TM2D1: variants seen among roughly 807,000 people sequenced by gnomAD.
TM2D1 encodes TM2 domain-containing protein 1.
Under a neutral mutation model 28.4 loss-of-function variants are expected in TM2D1, and 15 were observed. The ratio of observed to expected loss-of-function variants is 0.53; its 90% CI spans 0.35 to 0.81. The LOEUF is 0.81. Ranked by LOEUF, TM2D1 falls within the 40% of genes least tolerant of loss-of-function variation. The pLI, the probability that TM2D1 is intolerant of heterozygous loss-of-function variation, is 0.01. For missense variants in TM2D1, 236 were observed against 254.9 expected (o/e 0.93, Z 0.50); for synonymous variants, 93 against 96.2 (o/e 0.97, Z 0.20).
rs1259458951 is a variant in TM2D1, at chr1:61,724,985, G to A, written c.136C>T (p.Leu46Phe). Reference sequence around the variant, plus strand: ...CCCACTTTGAGGTCCTCGCACTTAAGCGACTCCTCGCCCCCGGCGGAGGTG... The same window carrying A: ...CCCACTTTGAGGTCCTCGCACTTAAACGACTCCTCGCCCCCGGCGGAGGTG... ...VATSAGGEES[L>F]KCEDLKVGQY... is the part of the protein sequence containing the mutation. The change falls in exon 1 of 7, where the codon CTT (leucine) becomes TTT (phenylalanine). Residue 46 changes from leucine to phenylalanine, a missense_variant. Coordinates refer to ENST00000606498, the MANE Select transcript of TM2D1 (RefSeq NM_032027.3). The A allele has an allele frequency of 1.2e-6, 2 of 1,606,148 alleles. No homozygotes were observed. The highest frequency in any genetic ancestry group is 2.2e-5 in the South Asian group (2 of 90,886).
At chr1:61,720,479 T>C (rs777261543) in intron 2 of TM2D1, among the ~76,000 whole-genome samples, 1 of 152,134 alleles carries the variant, frequency 6.6e-6, no homozygotes, top group South Asian at 2.1e-4. Context: ...TGACCTCACA[T>C]GATCCGCACA....
At chr1:61,719,746 C>T (rs1335528927) in intron 2 of TM2D1, among the ~76,000 whole-genome samples, 4 of 151,912 alleles carry the variant, frequency 2.6e-5, no homozygotes, top group African/African-American at 7.3e-5. Flanking sequence ...CCACCTGCCT[C>T]GGCCTCCCCA....
At chr1:61,687,689 T>C (rs11804066) in intron 5 of TM2D1, among the ~76,000 whole-genome samples, 2,180 of 147,568 alleles carry the variant, frequency 0.015, 48 homozygotes, top group African/African-American at 0.049. Context: ...TCAAATGTAA[T>C]GAATGAAGAA....
chr1:61,684,415 T>C (rs1644269007), intron 5 of TM2D1, among the ~76,000 whole-genome samples: 3 of 152,162 alleles, frequency 2.0e-5, no homozygotes, highest in South Asian at 2.1e-4. Context: ...TTTCTCCCAC[T>C]TGTTAACAGT....
intron 5 of TM2D1, among the ~76,000 whole-genome samples, chr1:61,689,404 C>T (rs1644307895): frequency 6.6e-6 from 1 of 152,082 alleles, no homozygotes; most frequent in African/African-American, 2.4e-5. Flanking sequence ...CACTCTGTTG[C>T]TCATGCTAGA....
rs1302479119 is a variant in TM2D1 at position 61,725,099 on chromosome 1, C to A, written c.22G>T (p.Gly8Cys). ...GTCACGGCCTCCGGAGCAGACGGAC[C>A]AGACGGCCAGGCGGCCGCCATCTTG... MAAAWPS[G>C]PSAPEAVTAR... Residue 8 changes from glycine (G) to cysteine (C), a missense_variant, in exon 1 of 7, where the codon GGT becomes TGT. Physicochemically the swap from Gly to Cys is radical, Grantham distance 159. Around this residue, in one of 3 missense-constraint regions of TM2D1, gnomAD observed 167 missense variants for 162.7 expected, o/e 1.03. Coordinates refer to ENST00000606498, the MANE Select transcript of TM2D1 (RefSeq NM_032027.3). 2 of 1,613,702 alleles carry A rather than the reference C, an allele frequency of 1.2e-6. No homozygotes were observed. The highest frequency in any genetic ancestry group is 1.7e-5 in the Admixed American group (1 of 60,022).
intron 2 of TM2D1, among the ~76,000 whole-genome samples, chr1:61,713,480 C>T (rs1264303471): frequency 1.1e-5 from 1 of 88,726 alleles, no homozygotes; most frequent in African/African-American, 4.3e-5. Flanking sequence ...CCCCCCGCAA[C>T]TCAAAAACAA....
At chr1:61,701,809 G>A (rs1377612257) in intron 3 of TM2D1, among the ~76,000 whole-genome samples, 1 of 152,046 alleles carries the variant, frequency 6.6e-6, no homozygotes, top group Non-Finnish European at 1.5e-5. Context: ...CAGTAACAGT[G>A]GGAGAAAGAA....
In TM2D1 at chr1:61,683,495, T is replaced by C; in HGVS notation, c.565A>G (p.Arg189Gly). ...SSYIIDYYGT[R>G]LTRLSITNET... ...TTAGTAATACTCAGTCTTGTAAGTC[T>C]GGTTCCATAGTAATCTATAATGTAA... Residue 189 changes from arginine (R) to glycine (G), a missense_variant, in exon 6 of 7, where the codon AGA (arginine) becomes GGA (glycine). By Grantham distance (125) the Arg-to-Gly change is moderately radical (BLOSUM62 -2). Around this residue, in one of 3 missense-constraint regions of TM2D1, gnomAD observed 64 missense variants for 73.1 expected, o/e 0.88. Coordinates refer to ENST00000606498, the MANE Select transcript of TM2D1 (RefSeq NM_032027.3). 1 of 1,547,748 alleles carries C rather than the reference T, an allele frequency of 6.5e-7. No homozygotes were observed. The highest frequency in any genetic ancestry group is 8.7e-7 in the Non-Finnish European group (1 of 1,149,690).
chr1:61,686,750 TTATGAG>T (rs920057533), intron 5 of TM2D1: 132 of 911,722 alleles, frequency 1.4e-4, no homozygotes, highest in Non-Finnish European at 1.7e-4. Flanking sequence ...ACATCTGTCA[TTATGAG>T]TATATGATTG....
chr1:61,723,588 A>G, intron 2 of TM2D1, 125 bp downstream of exon 2: 1 of 472,962 alleles, frequency 2.1e-6, no homozygotes, highest in South Asian at 4.4e-5. Flanking sequence ...GTTACTCTGG[A>G]AACTGAATAA....
intron 2 of TM2D1, among the ~76,000 whole-genome samples, chr1:61,710,854 A>G (rs1644473741): frequency 6.6e-6 from 1 of 152,190 alleles, no homozygotes; most frequent in Non-Finnish European, 1.5e-5. Flanking sequence ...GTACACTGAG[A>G]AAACGATGGT....
At chr1:61,700,189 G>C in intron 4 of TM2D1, 1 of 1,536,800 alleles carries the variant, frequency 6.5e-7, no homozygotes, top group Non-Finnish European at 8.8e-7. Context: ...ATAAAACAAA[G>C]ATGATAACAA....
At chr1:61,694,303 G>A (rs1644348514) in intron 5 of TM2D1, 1 of 154,972 alleles carries the variant, frequency 6.5e-6, no homozygotes, top group Non-Finnish European at 1.4e-5. Flanking sequence ...TATGGTAATT[G>A]ACAAGGTGAC....
chr1:61,697,300 GTTTC>G (rs1327930501), intron 4 of TM2D1, among the ~76,000 whole-genome samples: 4 of 151,900 alleles, frequency 2.6e-5, no homozygotes, highest in Admixed American at 2.6e-4. Flanking sequence ...TACTCCAGGA[GTTTC>G]TTTCTTTTCT....
intron 4 of TM2D1, 98 bp from the exon 5 acceptor site, chr1:61,694,868 A>T (rs1644353083): frequency 1.2e-4 from 66 of 564,800 alleles, no homozygotes; most frequent in Non-Finnish European, 1.6e-4. Flanking sequence ...TATATATATC[A>T]CACTCTTTAT....
intron 5 of TM2D1, among the ~76,000 whole-genome samples, chr1:61,690,423 C>T (rs1557526497): frequency 1.7e-5 from 2 of 120,158 alleles, no homozygotes; most frequent in African/African-American, 3.2e-5. Flanking sequence ...CGCCACTGTA[C>T]TCCAGCCTGA....
chr1:61,708,496 C>T (rs1644455661), intron 3 of TM2D1, among the ~76,000 whole-genome samples: 1 of 152,204 alleles, frequency 6.6e-6, no homozygotes, highest in Non-Finnish European at 1.5e-5. Flanking sequence ...GCTCCTCTGG[C>T]CTCAGCCTCC....
chr1:61,691,791 T>C (rs1430142474), intron 5 of TM2D1, among the ~76,000 whole-genome samples: 2 of 150,550 alleles, frequency 1.3e-5, no homozygotes, highest in Admixed American at 6.6e-5. Flanking sequence ...GGTGTGTGCC[T>C]GTAATCCCAG....
Sources: gnomAD v4.1 joint callset for allele counts (sites outside exome capture counted in the v4.1 genomes callset) on GRCh38, gnomAD v4.1.1 for gene constraint, gnomAD v4.1.1 regional missense constraint, MANE v1.5 for transcripts, NCBI Gene and HGNC (gene_info 2026-07-23, HGNC 2026-07-21) for gene names.